Variants in SOX5 observed in about 807,000 individuals in gnomAD.
SOX5 encodes the protein transcription factor SOX-5.
Under a neutral mutation model 92.0 loss-of-function variants are expected in SOX5, and 9 were observed. The ratio of observed to expected loss-of-function variants is 0.10; its 90% CI spans 0.06 to 0.17. The LOEUF (loss-of-function observed/expected upper bound fraction) is 0.17, where lower values mean the gene tolerates loss of function less well. SOX5 is among the 10% of genes least tolerant of loss of function. SOX5 has a pLI of 1.00. For synonymous variants in SOX5, 344 were observed against 336.3 expected (o/e 1.02, Z -0.25); for missense variants, 642 against 944.5 (o/e 0.68, Z 4.20).
intron 1 of SOX5, among the ~76,000 whole-genome samples, chr12:24,397,697 G>A (rs1960396774): frequency 6.6e-6 from 1 of 151,546 alleles, no homozygotes; most frequent in South Asian, 2.1e-4. Context: ...ACTTTAAAAT[G>A]TCAGGAAGGG....
At chr12:23,828,139 T>C (rs771549268) in intron 3 of SOX5, among the ~76,000 whole-genome samples, 7 of 152,124 alleles carry the variant, frequency 4.6e-5, no homozygotes, top group Non-Finnish European at 1.0e-4. Context: ...ACTTACTTTT[T>C]TGTTACAATT....
chr12:24,536,394 C>T (rs1951642916), intron 1 of SOX5, among the ~76,000 whole-genome samples: 1 of 152,146 alleles, frequency 6.6e-6, no homozygotes, highest in Non-Finnish European at 1.5e-5. Context: ...CGATTTAAGA[C>T]CCTTCCCTTC....
At chr12:24,313,211 G>T (rs483588) in intron 2 of SOX5, among the ~76,000 whole-genome samples, 132,778 of 152,062 alleles carry the variant, frequency 0.87, 58,266 homozygotes, top group East Asian at 0.98. Context: ...AAATATCACC[G>T]CCTCTGTGAA....
intron 3 of SOX5, among the ~76,000 whole-genome samples, chr12:23,756,870 C>A (rs184947159): frequency 2.4e-4 from 37 of 151,946 alleles, no homozygotes; most frequent in Non-Finnish European, 4.3e-4. Flanking sequence ...TTAATTTTCC[C>A]CACAGTAAGA....
intron 1 of SOX5, among the ~76,000 whole-genome samples, chr12:24,497,476 G>C (rs1947761245): frequency 1.3e-5 from 2 of 152,132 alleles, no homozygotes; most frequent in African/African-American, 4.8e-5. Context: ...TTTTTTTAGA[G>C]TTTGCCAGGC....
intron 4 of SOX5, among the ~76,000 whole-genome samples, chr12:24,035,495 G>T (rs1049081757): frequency 6.6e-6 from 1 of 151,938 alleles, no homozygotes; most frequent in Non-Finnish European, 1.5e-5. Flanking sequence ...CCAAAACAAA[G>T]AAATACAGCA....
chr12:24,206,309 C>T (rs1423117555), intron 4 of SOX5, among the ~76,000 whole-genome samples: 1 of 152,146 alleles, frequency 6.6e-6, no homozygotes, highest in African/African-American at 2.4e-5. Context: ...CTCAGCAGGA[C>T]TATGTATTTT....
chr12:23,645,375 T>C (rs528453231), intron 7 of SOX5, among the ~76,000 whole-genome samples: 42 of 152,206 alleles, frequency 2.8e-4, no homozygotes, highest in African/African-American at 9.9e-4. Flanking sequence ...GGAAAAGAGA[T>C]TGAAGACAAG....
chr12:24,540,428 T>C (rs1952019955), intron 1 of SOX5, among the ~76,000 whole-genome samples: 1 of 152,128 alleles, frequency 6.6e-6, no homozygotes, highest in Non-Finnish European at 1.5e-5. Context: ...TTCACAGTAT[T>C]TTTCTCTCCA....
Position 24,292,922 on chromosome 12 carries a change from T to TTA in SOX5, c.-173-15612_-173-15611dup, listed in dbSNP as rs1946782966. ...TGACCTCTGGCCCTAAAACCTGGTG[T>TTA]TATACTCTCAAGTGAGTCGGCTGTA... is the stretch of plus-strand genomic sequence containing the variant. On this transcript the variant is annotated intron_variant, in intron 2 of 4. Transcript: ENST00000446891. Among the ~76,000 whole-genome samples the TTA allele has an allele frequency of 2.6e-5, 4 of 152,310 alleles. No homozygotes were observed. In the South Asian group the frequency reaches 8.3e-4, roughly 32 times the overall value.
rs115376142 is a variant in SOX5 at position 24,338,696 on chromosome 12, G to A, written c.-174+29867C>T. Among the ~76,000 whole-genome samples, 901 of 152,224 alleles carry A rather than the reference G, an allele frequency of 5.9e-3. 7 individuals carry two copies. Among genetic ancestry groups the A allele is most frequent in the African/African-American group, 0.021 (855 of 41,542 alleles). ...CTGGTGGGAGGTAATTGAATCGTGA[G>A]GGCAGTTTTTTCCCTGTGCTGTTCT... On this transcript the variant is annotated intron_variant, in intron 2 of 4. Coordinates refer to the SOX5 transcript ENST00000446891.
At chr12:24,315,127 A>G (rs1392897155) in intron 2 of SOX5, among the ~76,000 whole-genome samples, 1 of 152,152 alleles carries the variant, frequency 6.6e-6, no homozygotes, top group Admixed American at 6.6e-5. Context: ...CTCTACCTCT[A>G]GTATTTCTCT....
intron 4 of SOX5, among the ~76,000 whole-genome samples, chr12:23,990,840 A>G (rs1447180477): frequency 7.9e-5 from 12 of 152,120 alleles, no homozygotes; most frequent in Admixed American, 7.9e-4. Context: ...ATGTTATCTG[A>G]TATAAAATAG....
At chr12:24,015,651 G>A (rs928393497) in intron 4 of SOX5, among the ~76,000 whole-genome samples, 2 of 152,056 alleles carry the variant, frequency 1.3e-5, no homozygotes, top group Non-Finnish European at 2.9e-5. Context: ...ATGCCAGTGG[G>A]GCTGATAAAG....
intron 4 of SOX5, among the ~76,000 whole-genome samples, chr12:24,059,461 A>C (rs545823260): frequency 1.4e-4 from 21 of 152,304 alleles, no homozygotes; most frequent in African/African-American, 4.8e-4. Context: ...TGGTTTTTTT[A>C]ATGAATTTGC....
intron 4 of SOX5, among the ~76,000 whole-genome samples, chr12:23,746,365 T>C (rs933079134): frequency 1.3e-5 from 2 of 152,162 alleles, no homozygotes; most frequent in African/African-American, 4.8e-5. Flanking sequence ...TCATAACTTA[T>C]ATATGTGTGT....
chr12:24,272,277 A>T (rs1284862617), intron 3 of SOX5, among the ~76,000 whole-genome samples: 1 of 152,218 alleles, frequency 6.6e-6, no homozygotes, highest in Non-Finnish European at 1.5e-5. Context: ...TATTATATGC[A>T]TCAGTCTTGC....
chr12:23,974,746 C>A (rs947879946), intron 4 of SOX5, among the ~76,000 whole-genome samples: 9 of 151,004 alleles, frequency 6.0e-5, no homozygotes, highest in African/African-American at 2.2e-4. Flanking sequence ...TGAAATGATG[C>A]AGAAAAAGGG....
intron 1 of SOX5, among the ~76,000 whole-genome samples, chr12:24,518,350 T>G (rs1949981070): frequency 6.6e-6 from 1 of 152,176 alleles, no homozygotes; most frequent in South Asian, 2.1e-4. Context: ...ACTACACGCA[T>G]GAGCCACCAT....
Sources: allele counts gnomAD v4.1 joint callset (sites outside exome capture counted in the v4.1 genomes callset), GRCh38; gene constraint gnomAD v4.1.1; transcripts MANE v1.5; gene names NCBI Gene and HGNC (gene_info 2026-07-23, HGNC 2026-07-21).